SLC44A5: variants seen among roughly 807,000 people sequenced by gnomAD.
The protein encoded by SLC44A5 is choline transporter-like protein 5.
Under a neutral mutation model 101.8 loss-of-function variants are expected in SLC44A5, and 57 were observed. The observed-to-expected ratio is 0.56, with a 90% CI of 0.45 to 0.70. The LOEUF (loss-of-function observed/expected upper bound fraction) is 0.70, where lower values mean the gene tolerates loss of function less well. Among genes scored for constraint, SLC44A5 ranks in the 30% least tolerant of loss-of-function variants. The pLI, the probability that SLC44A5 is intolerant of heterozygous loss-of-function variation, is 0.00. For missense variants in SLC44A5, 737 were observed against 853.1 expected, an observed-to-expected ratio of 0.86 and a Z score of 1.70; for synonymous variants, 281 against 290.9, an observed-to-expected ratio of 0.97 and a Z score of 0.35.
At chr1:75,566,538 C>T (rs754141872) in intron 1 of SLC44A5, among the ~76,000 whole-genome samples, 1 of 152,190 alleles carries the variant, frequency 6.6e-6, no homozygotes, top group Non-Finnish European at 1.5e-5. Context: ...TCTCTAACAA[C>T]TTTGTGTTAA....
chr1:75,551,684 G>A (rs1241262423), intron 1 of SLC44A5, among the ~76,000 whole-genome samples: 1 of 151,868 alleles, frequency 6.6e-6, no homozygotes, highest in African/African-American at 2.4e-5. Flanking sequence ...ATCAGAACCT[G>A]GGCAATGAAA....
Position 75,506,907 on chromosome 1 carries a change from CTTTTTTTTTTTTT to C in SLC44A5, c.13+34515_13+34527del, listed in dbSNP as rs61554987. Among the ~76,000 whole-genome samples the C allele has an allele frequency of 3.1e-3, 212 of 68,786 alleles. 1 individual carries two copies. Among genetic ancestry groups the C allele is most frequent in the African/African-American group, 0.012 (208 of 16,774 alleles). The allele number at this position is 68,786 out of a possible 152,430, so 45.1% of individuals were successfully genotyped here. On this transcript the variant is annotated intron_variant, in intron 2 of 23. Coordinates refer to ENST00000370859, the MANE Select transcript of SLC44A5 (RefSeq NM_001130058.2). ...TCCTTGTCTGGTTCCTATTCCTATT[CTTTTTTTTTTTTT>C]TTTTTTTTTTTTGAGACTGTGTCTC...
chr1:75,571,202 A>G (rs982617339), intron 1 of SLC44A5, among the ~76,000 whole-genome samples: 1 of 152,246 alleles, frequency 6.6e-6, no homozygotes, highest in Non-Finnish European at 1.5e-5. Flanking sequence ...ATGAAAAAAC[A>G]TAGGTGAATA....
chr1:75,216,453 T>G (rs550953227), intron 18 of SLC44A5, among the ~76,000 whole-genome samples: 1 of 152,056 alleles, frequency 6.6e-6, no homozygotes, highest in Admixed American at 6.6e-5. Flanking sequence ...TCTTTTCATG[T>G]ATATCTAGAT....
the SLC44A5 span, among the ~76,000 whole-genome samples, chr1:75,647,785 T>A: frequency 6.6e-6 from 1 of 152,278 alleles, no homozygotes; most frequent in Admixed American, 6.5e-5. Flanking sequence ...CCTTTTGGAA[T>A]GGGAGCATTT....
rs534490432 is a variant in SLC44A5 at position 75,578,946 on chromosome 1, T to G, written c.-70+32094A>C. Among the ~76,000 whole-genome samples the G allele has an allele frequency of 2.0e-5, 3 of 152,310 alleles. No homozygotes were observed. In the South Asian group the frequency reaches 6.2e-4, roughly 32 times the overall value. On this transcript the variant is annotated intron_variant, in intron 1 of 23. Transcript: ENST00000370859. ...CATCTGTATTGCTAAATTCAGCATT[T>G]AAAATATGAAAATATTAGCATACAT... is the stretch of plus-strand genomic sequence containing the variant.
the SLC44A5 span, among the ~76,000 whole-genome samples, chr1:75,661,659 C>CA: frequency 2.0e-5 from 3 of 151,444 alleles, no homozygotes; most frequent in East Asian, 3.9e-4. Flanking sequence ...ACAACTCAAC[C>CA]AAAAAAATCC....
At chr1:75,720,924 T>TG in the SLC44A5 span, among the ~76,000 whole-genome samples, 1 of 152,134 alleles carries the variant, frequency 6.6e-6, no homozygotes, top group African/African-American at 2.4e-5. Context: ...GGCTGACACT[T>TG]GGTTAAGTTT....
chr1:75,686,080 G>A, the SLC44A5 span, among the ~76,000 whole-genome samples: 1 of 152,072 alleles, frequency 6.6e-6, no homozygotes, highest in Non-Finnish European at 1.5e-5. Context: ...CACAAAAACA[G>A]CATGAGGGTA....
chr1:75,501,335 C>T (rs988172854), intron 2 of SLC44A5, among the ~76,000 whole-genome samples: 96 of 152,168 alleles, frequency 6.3e-4, no homozygotes, highest in African/African-American at 2.2e-3. Flanking sequence ...CTCAATCTCA[C>T]TCTCCTTTGC....
chr1:75,492,480 G>A (rs1218806066), intron 2 of SLC44A5, among the ~76,000 whole-genome samples: 1 of 152,084 alleles, frequency 6.6e-6, no homozygotes, highest in Non-Finnish European at 1.5e-5. Context: ...TTGAATTAAT[G>A]AATAAATAAA....
the SLC44A5 span, among the ~76,000 whole-genome samples, chr1:75,624,537 C>A: frequency 6.6e-6 from 1 of 152,132 alleles, no homozygotes; most frequent in African/African-American, 2.4e-5. Context: ...CCTCTTCTCT[C>A]CCAAAGATAT....
intron 2 of SLC44A5, among the ~76,000 whole-genome samples, chr1:75,476,158 G>T (rs1005056138): frequency 6.6e-6 from 1 of 151,976 alleles, no homozygotes; most frequent in African/African-American, 2.4e-5. Context: ...ACTCCAGCCT[G>T]GGAGACAGAA....
intron 1 of SLC44A5, among the ~76,000 whole-genome samples, chr1:75,601,259 G>T (rs924095003): frequency 6.6e-6 from 1 of 151,640 alleles, no homozygotes; most frequent in Non-Finnish European, 1.5e-5. Flanking sequence ...ATCATTCTCA[G>T]CAAACTAACA....
At chr1:75,544,933 G>A (rs1434221597) in intron 1 of SLC44A5, among the ~76,000 whole-genome samples, 3 of 151,950 alleles carry the variant, frequency 2.0e-5, no homozygotes, top group Non-Finnish European at 4.4e-5. Flanking sequence ...GTGTATACAC[G>A]TGCCATGGTG....
At chr1:75,648,034 GT>G in the SLC44A5 span, among the ~76,000 whole-genome samples, 11 of 152,290 alleles carry the variant, frequency 7.2e-5, no homozygotes, top group African/African-American at 2.4e-4. Context: ...GTCTGGCTCT[GT>G]TTCCCCACCC....
chr1:75,466,931 G>C (rs1180827600), intron 2 of SLC44A5, among the ~76,000 whole-genome samples: 1 of 151,984 alleles, frequency 6.6e-6, no homozygotes, highest in Non-Finnish European at 1.5e-5. Flanking sequence ...TTTGTATTTG[G>C]AAAAACCTAC....
intron 2 of SLC44A5, among the ~76,000 whole-genome samples, chr1:75,417,210 T>A (rs1663709111): frequency 6.6e-6 from 1 of 152,114 alleles, no homozygotes; most frequent in African/African-American, 2.4e-5. Flanking sequence ...CCCCTGCTGT[T>A]TTCATAATAG....
intron 5 of SLC44A5, among the ~76,000 whole-genome samples, chr1:75,291,736 G>A (rs1214889902): frequency 6.6e-6 from 1 of 152,068 alleles, no homozygotes; most frequent in Non-Finnish European, 1.5e-5. Flanking sequence ...GGTAGGCCGG[G>A]CACGTTGGCT....
Sources: allele counts gnomAD v4.1 joint callset (sites outside exome capture counted in the v4.1 genomes callset), GRCh38; gene constraint gnomAD v4.1.1; transcripts MANE v1.5; gene names NCBI Gene and HGNC (gene_info 2026-07-23, HGNC 2026-07-21).